ATP5F1E: variants seen among roughly 807,000 people sequenced by gnomAD.
ATP5F1E encodes ATP synthase F1 subunit epsilon.
ATP5F1E carries 5 observed loss-of-function variants against 7.0 expected under a neutral mutation model. The ratio of observed to expected loss-of-function variants is 0.71; its 90% CI spans 0.37 to 1.49. The LOEUF is 1.49. ATP5F1E is among the 40% of genes most tolerant of loss of function. The probability of loss-of-function intolerance (pLI) is 0.03; values close to 1 mark genes in which losing one functional copy is unlikely to be tolerated. For missense variants in ATP5F1E, 59 were observed against 57.1 expected, an observed-to-expected ratio of 1.03 and a Z score of -0.11; for synonymous variants, 20 against 20.1, an observed-to-expected ratio of 0.99 and a Z score of 0.02.
chr20:59,029,566 T>C (rs765308031), intron 2 of ATP5F1E: 2 of 152,204 alleles, frequency 1.3e-5, no homozygotes, highest in African/African-American at 2.4e-5. Flanking sequence ...CTGAAAAACA[T>C]CTCTCTGATA....
chr20:59,028,463 C>T lies in ATP5F1E; in HGVS notation c.*382G>A, dbSNP rs142956194. ...ACAACAATTCAAAAATAAGGGACTA[C>T]GAAGCCTCAATGACAGCAGATAATT... is the stretch of plus-strand genomic sequence containing the variant. On this transcript the variant is annotated 3_prime_UTR_variant, in exon 3 of 3. Coordinates refer to ENST00000243997, the MANE Select transcript of ATP5F1E (RefSeq NM_006886.4). The T allele has an allele frequency of 6.6e-5, 10 of 152,214 alleles. No individual in the cohort carries two copies. The highest frequency in any genetic ancestry group is 1.9e-4 in the African/African-American group (8 of 41,426). 9.4% of individuals were successfully genotyped at this position (152,214 alleles called of 1,614,324 possible).
At chr20:59,031,520 T>C (rs2092029414) in intron 1 of ATP5F1E, among the ~76,000 whole-genome samples, 1 of 152,290 alleles carries the variant, frequency 6.6e-6, no homozygotes, top group African/African-American at 2.4e-5. Context: ...GTGTGTCACC[T>C]AGAGCAAGGT....
intron 2 of ATP5F1E, 183 bp from the exon 3 acceptor site, chr20:59,029,024 T>A (rs987482078): frequency 6.5e-6 from 1 of 152,744 alleles, no homozygotes; most frequent in Non-Finnish European, 1.5e-5. Flanking sequence ...AGCAGGCATT[T>A]TCCTGCTGAG....
rs1245887462 is a variant in ATP5F1E, at chr20:59,032,282, A to C, written c.-31T>G. The stretch of plus-strand genomic sequence containing the variant: ...AGCGAAAGCGGAGCTCGTCGGGCCG[A>C]ATCGCCAAGACGCCGGCAATGTCGG... On this transcript the variant is annotated 5_prime_UTR_variant, in exon 1 of 3. It adds an upstream start codon to the 5' untranslated region. Coordinates refer to ENST00000243997, the MANE Select transcript of ATP5F1E (RefSeq NM_006886.4). 2 of 1,594,726 alleles carry C rather than the reference A, an allele frequency of 1.3e-6. No homozygotes were observed. Among genetic ancestry groups the C allele is most frequent in the Non-Finnish European group, 1.7e-6 (2 of 1,171,064 alleles).
intron 1 of ATP5F1E, 116 bp from the exon 2 acceptor site, chr20:59,030,545 T>G: frequency 7.5e-7 from 1 of 1,334,220 alleles, no homozygotes; most frequent in South Asian, 1.2e-5. Context: ...TGTACCTTAT[T>G]GTAGAATTGG....
At chr20:59,029,194 G>A (rs1444140526) in intron 2 of ATP5F1E, 1 of 152,190 alleles carries the variant, frequency 6.6e-6, no homozygotes, top group Admixed American at 6.5e-5. Context: ...CTGACCCCCA[G>A]GACTTTGCAA....
rs770225638 is a variant in ATP5F1E at position 59,032,224 on chromosome 20, G to T, written c.28C>A (p.Leu10Ile). The T allele has an allele frequency of 3.8e-6, 6 of 1,590,524 alleles. No homozygotes were observed. The East Asian group carries it at 1.4e-4, about 36-fold the overall frequency. MVAYWRQAG[L>I]SYIRYSQICA... The stretch of plus-strand genomic sequence containing the variant: ...CCTCTGGAGGCCTGGGCCTACCTGA[G>T]TCCAGCCTGTCTCCAGTAGGCCACC... Residue 10 changes from leucine (L) to isoleucine (I), a missense_variant, in exon 1 of 3, where the codon CTC (leucine) becomes ATC (isoleucine). Leu to Ile is a conservative substitution (Grantham distance 5, BLOSUM62 2). Coordinates refer to ENST00000243997, the MANE Select transcript of ATP5F1E (RefSeq NM_006886.4).
chr20:59,030,546 G>T, intron 1 of ATP5F1E, 117 bp from the exon 2 acceptor site: 1 of 1,324,170 alleles, frequency 7.6e-7, no homozygotes, highest in Non-Finnish European at 1.1e-6. Context: ...GTACCTTATT[G>T]TAGAATTGGA....
chr20:59,031,867 T>G (rs1444654760), intron 1 of ATP5F1E, among the ~76,000 whole-genome samples: 2 of 152,264 alleles, frequency 1.3e-5, no homozygotes, highest in Non-Finnish European at 2.9e-5. Context: ...GTGACTGTAC[T>G]ACTTTCACCA....
In ATP5F1E at chr20:59,026,079, T is replaced by G. The variant is rs2091992977; in HGVS notation, c.*2766A>C. On this transcript the variant is annotated 3_prime_UTR_variant, in exon 3 of 3. Coordinates refer to ENST00000243997, the MANE Select transcript of ATP5F1E (RefSeq NM_006886.4). ...TCCGACCCTCAATGCAGTAAATATT[T>G]ACTTGCAGGCAACTGGGTTCTCATC... 6.6e-6 allele frequency: 1 copy of G among 152,232 alleles called. No individual in the cohort carries two copies. Among genetic ancestry groups the G allele is most frequent in the African/African-American group, 2.4e-5 (1 of 41,464 alleles). The allele number at this position is 152,232 out of a possible 1,614,324, so 9.4% of individuals were successfully genotyped here.
In ATP5F1E at chr20:59,032,098, C is replaced by A. The variant is rs1367745604; in HGVS notation, c.32+122G>T. On this transcript the variant is annotated intron_variant, in intron 1 of 2. Transcript: ENST00000243997. ...GCGACGCCATCTTGGCGGCGACGCC[C>A]GAGGCTTGGCCCAACCCCGGTCACG... The A allele has an allele frequency of 2.9e-6, 4 of 1,396,462 alleles. No homozygotes were observed. In the Admixed American group the frequency reaches 8.4e-5, roughly 29 times the overall value. 86.5% of individuals were successfully genotyped at this position (1,396,462 alleles called of 1,614,324 possible).
chr20:59,031,260 T>G (rs942475146), intron 1 of ATP5F1E, among the ~76,000 whole-genome samples: 6 of 152,162 alleles, frequency 3.9e-5, no homozygotes, highest in African/African-American at 1.4e-4. Context: ...CTCACTCACC[T>G]GAAAAAAACA....
At chr20:59,032,199 C>T in intron 1 of ATP5F1E, 21 bp downstream of exon 1, 1 of 1,567,864 alleles carries the variant, frequency 6.4e-7, no homozygotes, top group South Asian at 1.2e-5. Context: ...GAAGCCCTTC[C>T]CTCTGGAGGC....
At chr20:59,031,864 T>TACTACTTTC (rs1409130392) in intron 1 of ATP5F1E, among the ~76,000 whole-genome samples, 1 of 152,268 alleles carries the variant, frequency 6.6e-6, no homozygotes, top group Non-Finnish European at 1.5e-5. Flanking sequence ...GATGTGACTG[T>TACTACTTTC]ACTACTTTCA....
At chr20:59,031,746 TA>T (rs147581922) in intron 1 of ATP5F1E, among the ~76,000 whole-genome samples, 277 of 150,702 alleles carry the variant, frequency 1.8e-3, no homozygotes, top group Admixed American at 3.5e-3. Context: ...CTTAAAAGTT[TA>T]AAAAAAAAAT....
In ATP5F1E at chr20:59,030,560, A is replaced by T. The variant is rs563181152; in HGVS notation, c.33-131T>A. On this transcript the variant is annotated intron_variant, in intron 1 of 2. Transcript: ENST00000243997. ...TGTACCTTATTGTAGAATTGGATTT[A>T]AAAATATGACTAATGCCAAAAAGTA... 2.5e-6 allele frequency: 3 copies of T among 1,191,344 alleles called. No individual in the cohort carries two copies. In the African/African-American group the frequency reaches 4.6e-5, roughly 18 times the overall value. The allele number at this position is 1,191,344 out of a possible 1,614,324, so 73.8% of individuals were successfully genotyped here. A position where few individuals can be genotyped will look rare whatever the true frequency, so the allele number is the denominator to read the frequency against.
At chr20:59,030,081 T>A (rs992705905) in intron 2 of ATP5F1E, 6 of 425,150 alleles carry the variant, frequency 1.4e-5, no homozygotes, top group African/African-American at 4.1e-5. Flanking sequence ...TGAAAATCAA[T>A]GTGCCAATTA....
rs1297616984 is a variant in ATP5F1E, at chr20:59,026,331, CAAG to C, written c.*2511_*2513del. The C allele has an allele frequency of 6.6e-6, 1 of 152,176 alleles. No individual in the cohort carries two copies. Among genetic ancestry groups the C allele is most frequent in the African/African-American group, 2.4e-5 (1 of 41,442 alleles). 9.4% of individuals were successfully genotyped at this position (152,176 alleles called of 1,614,324 possible). A position where few individuals can be genotyped will look rare whatever the true frequency, so the allele number is the denominator to read the frequency against. On this transcript the variant is annotated 3_prime_UTR_variant, in exon 3 of 3. Transcript: ENST00000243997. ...TTTTAAATGCTTTCTACTTGTGGTT[CAAG>C]AAGCACTAGATTTAGTAAGAAACTC...
chr20:59,029,953 T>C (rs1281585345), intron 2 of ATP5F1E: 2 of 331,406 alleles, frequency 6.0e-6, no homozygotes, highest in African/African-American at 4.3e-5. Flanking sequence ...GTTATGTAAC[T>C]CCAATTGCAA....
Sources: gnomAD v4.1 joint callset for allele counts (sites outside exome capture counted in the v4.1 genomes callset) on GRCh38, gnomAD v4.1.1 for gene constraint, MANE v1.5 for transcripts, NCBI Gene and HGNC (gene_info 2026-07-23, HGNC 2026-07-21) for gene names.